Variants in PATJ observed in about 807,000 individuals in gnomAD.
The protein encoded by PATJ is PATJ crumbs cell polarity complex component, also known as inaD-like protein.
A neutral mutation model predicts 224.9 loss-of-function variants in PATJ; 190 were observed. That is an observed-to-expected ratio of 0.84 (90% confidence interval 0.75 to 0.95). The LOEUF is 0.95. PATJ is among the 40% of genes least tolerant of loss of function. PATJ has a pLI of 0.00. For missense variants in PATJ, 2,121 were observed against 2,270.3 expected (o/e 0.93, Z 1.34); for synonymous variants, 769 against 820.3 (o/e 0.94, Z 1.07).
At chr1:62,116,812 T>C in intron 36 of PATJ, 133 bp downstream of exon 36, 1 of 850,034 alleles carries the variant, frequency 1.2e-6, no homozygotes, top group Non-Finnish European at 1.8e-6. Flanking sequence ...TAATCTCTGA[T>C]TATTTTAAAT....
At chr1:61,999,225 T>A (rs377723741) in intron 28 of PATJ, among the ~76,000 whole-genome samples, 1 of 152,190 alleles carries the variant, frequency 6.6e-6, no homozygotes, top group Non-Finnish European at 1.5e-5. Flanking sequence ...CTGGGATTGT[T>A]CTCTGGGCCT....
At chr1:61,993,619 T>G (rs1242607070) in intron 28 of PATJ, among the ~76,000 whole-genome samples, 1 of 151,926 alleles carries the variant, frequency 6.6e-6, no homozygotes, top group Non-Finnish European at 1.5e-5. Flanking sequence ...AGGAGCTCTG[T>G]GTCAGGAACC....
chr1:61,908,186 T>G (rs568795947), intron 24 of PATJ, among the ~76,000 whole-genome samples, 186 bp from the exon 25 acceptor site: 1 of 152,344 alleles, frequency 6.6e-6, no homozygotes, highest in East Asian at 1.9e-4. Flanking sequence ...GGTGAAATGT[T>G]ACTTTCCTTG....
chr1:61,922,863 A>G (rs1674529105), intron 26 of PATJ, among the ~76,000 whole-genome samples: 1 of 152,270 alleles, frequency 6.6e-6, no homozygotes, highest in South Asian at 2.1e-4. Flanking sequence ...AAGGAAACAT[A>G]TAAGGTAATA....
At chr1:62,149,158 C>T (rs1314323874) in intron 42 of PATJ, among the ~76,000 whole-genome samples, 1 of 126,108 alleles carries the variant, frequency 7.9e-6, no homozygotes, top group African/African-American at 3.2e-5. Context: ...GAGGAGTAAT[C>T]TAGGGAGCAT....
chr1:62,128,976 C>T (rs146613911), intron 41 of PATJ, 31 bp downstream of exon 41: 2 of 1,435,672 alleles, frequency 1.4e-6, no homozygotes, highest in African/African-American at 1.4e-5. Context: ...CGCAGCTGTG[C>T]AAGGCAGATA....
chr1:62,071,931 G>A (rs946110207), intron 31 of PATJ, among the ~76,000 whole-genome samples: 7 of 152,224 alleles, frequency 4.6e-5, no homozygotes, highest in South Asian at 2.1e-4. Flanking sequence ...TCTCTCAGAC[G>A]TTACCAAGAG....
chr1:61,850,897 T>C (rs2148884192), intron 17 of PATJ, among the ~76,000 whole-genome samples: 1 of 152,360 alleles, frequency 6.6e-6, no homozygotes, highest in Non-Finnish European at 1.5e-5. Flanking sequence ...TAGTAAGTGT[T>C]ACCAGCTGTT....
chr1:62,099,040 T>C (rs896304352), intron 33 of PATJ, among the ~76,000 whole-genome samples: 1 of 152,186 alleles, frequency 6.6e-6, no homozygotes, highest in African/African-American at 2.4e-5. Flanking sequence ...AGTAACTTAA[T>C]GCATAACCAT....
Position 62,106,158 on chromosome 1 carries a change from G to GTGTGTATATATATATATATATATATATA in PATJ, c.4378-2278_4378-2277insGTGTATATATATATATATATATATATAT, listed in dbSNP as rs1356937495. ...TACATGTGTATATGTGTGTGTGTGT[G>GTGTGTATATATATATATATATATATATA]TATATATATATATATATATATATAT... On this transcript the variant is annotated intron_variant, in intron 33 of 43. Transcript: ENST00000642238. Among the ~76,000 whole-genome samples, 29 of 48,054 alleles carry GTGTGTATATATATATATATATATATATA rather than the reference G, an allele frequency of 6.0e-4. 2 individuals carry two copies. Among genetic ancestry groups the GTGTGTATATATATATATATATATATATA allele is most frequent in the Non-Finnish European group, 1.1e-3 (24 of 22,808 alleles). The allele number at this position is 48,054 out of a possible 152,430, so 31.5% of individuals were successfully genotyped here. A position where few individuals can be genotyped will look rare whatever the true frequency, so the allele number is the denominator to read the frequency against.
chr1:61,917,717 A>G (rs1419928669), intron 26 of PATJ, among the ~76,000 whole-genome samples: 1 of 152,144 alleles, frequency 6.6e-6, no homozygotes, highest in Admixed American at 6.5e-5. Context: ...AATGATCGGT[A>G]GGAGCATGTG....
rs776489897 is a variant in PATJ at position 62,121,304 on chromosome 1, C to T, written c.5005+9C>T. ...TTCCCAGAAAAATTCAGGTATTACA[C>T]GGACACACCCAGAGCAAAACTATCC... On this transcript the variant is annotated intron_variant, in intron 38 of 43. Coordinates refer to ENST00000642238, the MANE Select transcript of PATJ (RefSeq NM_001350145.3). 19 of 1,529,764 alleles carry T rather than the reference C, an allele frequency of 1.2e-5. No homozygotes were observed. Among genetic ancestry groups the T allele is most frequent in the African/African-American group, 5.6e-5 (4 of 72,026 alleles). 94.8% of individuals were successfully genotyped at this position (1,529,764 alleles called of 1,614,324 possible).
chr1:61,920,119 C>T (rs1674072810), intron 26 of PATJ, among the ~76,000 whole-genome samples: 1 of 151,936 alleles, frequency 6.6e-6, no homozygotes, highest in African/African-American at 2.4e-5. Context: ...CACATGTTTT[C>T]AAGTTAATTT....
At chr1:61,827,033 G>C (rs1486094078) in intron 15 of PATJ, among the ~76,000 whole-genome samples, 1 of 152,072 alleles carries the variant, frequency 6.6e-6, no homozygotes, top group Non-Finnish European at 1.5e-5. Context: ...AGTCTTAAAG[G>C]GCTGTAAATG....
chr1:61,803,027 T>C (rs950372356), intron 12 of PATJ, among the ~76,000 whole-genome samples: 1 of 152,192 alleles, frequency 6.6e-6, no homozygotes, highest in Non-Finnish European at 1.5e-5. Context: ...GATTGCAGTT[T>C]ATCTTTGCAA....
At chr1:61,756,239 T>C (rs1306950106) in intron 1 of PATJ, among the ~76,000 whole-genome samples, 1 of 152,350 alleles carries the variant, frequency 6.6e-6, no homozygotes, top group Non-Finnish European at 1.5e-5. Flanking sequence ...TGTGGTCTTT[T>C]TTCCCCTTTC....
intron 27 of PATJ, chr1:61,952,033 G>T: frequency 4.0e-6 from 1 of 250,714 alleles, no homozygotes; most frequent in Non-Finnish European, 7.6e-6. Context: ...ATTATCCTGA[G>T]GCGAGCAGGG....
intron 28 of PATJ, among the ~76,000 whole-genome samples, chr1:62,004,123 A>T: frequency 6.6e-6 from 1 of 152,192 alleles, no homozygotes; most frequent in Non-Finnish European, 1.5e-5. Flanking sequence ...TTTTATGCCT[A>T]CACACATCAT....
At chr1:61,815,813 G>A (rs1655988099) in intron 14 of PATJ, among the ~76,000 whole-genome samples, 1 of 152,184 alleles carries the variant, frequency 6.6e-6, no homozygotes, top group Non-Finnish European at 1.5e-5. Flanking sequence ...TTAAGCATTA[G>A]CTGCACTGCT....
Sources: allele counts gnomAD v4.1 joint callset (sites outside exome capture counted in the v4.1 genomes callset), GRCh38; gene constraint gnomAD v4.1.1; transcripts MANE v1.5; gene names NCBI Gene and HGNC (gene_info 2026-07-23, HGNC 2026-07-21).